Variants in ARHGEF12 observed in about 807,000 individuals in gnomAD.
The protein encoded by ARHGEF12 is KMT2A/ARHGEF12 fusion protein.
In ARHGEF12, 66 loss-of-function variants were observed where a neutral mutation model predicts 211.2. The ratio of observed to expected loss-of-function variants is 0.31; its 90% confidence interval spans 0.26 to 0.38. The LOEUF (loss-of-function observed/expected upper bound fraction) is 0.38. Among genes scored for constraint, ARHGEF12 ranks in the 10% least tolerant of loss-of-function variants. ARHGEF12 has a pLI of 1.00. For missense variants in ARHGEF12, 1,429 were observed against 1,869.5 expected (o/e 0.76, Z 4.34); for synonymous variants, 592 against 638.4 (o/e 0.93, Z 1.09).
intron 1 of ARHGEF12, among the ~76,000 whole-genome samples, chr11:120,370,033 A>G (rs1943547465): frequency 6.6e-6 from 1 of 152,164 alleles, no homozygotes; most frequent in Non-Finnish European, 1.5e-5. Context: ...CATTATGGAA[A>G]TTTTTGCAGA....
At chr11:120,450,273 C>G (rs1946165299) in intron 21 of ARHGEF12, 1 of 146,426 alleles carries the variant, frequency 6.8e-6, no homozygotes. Context: ...ACCTGGGAGG[C>G]TGAGGTAGTA....
At chr11:120,477,646 C>A in intron 36 of ARHGEF12, 120 bp downstream of exon 36, 1 of 879,012 alleles carries the variant, frequency 1.1e-6, no homozygotes, top group Non-Finnish European at 1.7e-6. Context: ...AGGCGTATCA[C>A]CTGAGGCCAG....
intron 39 of ARHGEF12, 139 bp downstream of exon 39, chr11:120,481,715 TG>T (rs1947242831): frequency 1.3e-6 from 1 of 795,252 alleles, no homozygotes; most frequent in African/African-American, 1.7e-5. Context: ...TGAATAGGCC[TG>T]GGTAAAAAGT....
chr11:120,430,954 G>A (rs1945507816), intron 10 of ARHGEF12, among the ~76,000 whole-genome samples: 1 of 151,950 alleles, frequency 6.6e-6, no homozygotes. Flanking sequence ...GTTATTACTA[G>A]GCAAATATAA....
chr11:120,481,869 C>T (rs1947251081), intron 39 of ARHGEF12, among the ~76,000 whole-genome samples: 1 of 151,612 alleles, frequency 6.6e-6, no homozygotes, highest in Non-Finnish European at 1.5e-5. Flanking sequence ...ACACCATTCT[C>T]CTGCCTCAGC....
intron 22 of ARHGEF12, among the ~76,000 whole-genome samples, chr11:120,456,671 T>TA (rs1360445825): frequency 6.6e-6 from 1 of 152,188 alleles, no homozygotes; most frequent in African/African-American, 2.4e-5. Flanking sequence ...TGCTATTTCT[T>TA]ACGTTAATTT....
intron 1 of ARHGEF12, 117 bp downstream of exon 1, chr11:120,337,392 T>A (rs1181218727): frequency 3.3e-5 from 52 of 1,562,748 alleles, no homozygotes; most frequent in Non-Finnish European, 4.3e-5. Flanking sequence ...GAAAGAGGGT[T>A]GTTTCGGAGC....
chr11:120,463,092 A>G (rs11601535), intron 27 of ARHGEF12: 67,377 of 152,082 alleles, frequency 0.44, 15,536 homozygotes, highest in African/African-American at 0.57. Context: ...ATTTAAGGTC[A>G]GCTAGGCCAA....
intron 1 of ARHGEF12, among the ~76,000 whole-genome samples, chr11:120,370,813 C>T (rs1158631579): frequency 6.6e-6 from 1 of 152,082 alleles, no homozygotes; most frequent in Non-Finnish European, 1.5e-5. Context: ...TTCCCATCCC[C>T]CATTCCAACC....
rs1942769884 is a variant in ARHGEF12 at position 120,347,161 on chromosome 11, TTCCTTCCTTCCTTCCTTC to T, written c.32+9887_32+9904del. ...CTTCCTTCCTTCCTTCCTTCCTTCC[TTCCTTCCTTCCTTCCTTC>T]CTTCCTTTCTTTCTTTCTTTCTTTC... On this transcript the variant is annotated intron_variant, in intron 1 of 40. Transcript: ENST00000397843. Among the ~76,000 whole-genome samples the T allele has an allele frequency of 3.2e-5, 2 of 63,466 alleles. 1 individual carries two copies. Among genetic ancestry groups the T allele is most frequent in the Non-Finnish European group, 5.8e-5 (2 of 34,702 alleles). The allele number at this position is 63,466 out of a possible 152,430, so 41.6% of individuals were successfully genotyped here.
chr11:120,357,317 A>G (rs1943157517), intron 1 of ARHGEF12, among the ~76,000 whole-genome samples: 1 of 152,080 alleles, frequency 6.6e-6, no homozygotes, highest in Admixed American at 6.5e-5. Flanking sequence ...ACTCTTAAAC[A>G]CTATCCTATA....
intron 1 of ARHGEF12, among the ~76,000 whole-genome samples, chr11:120,349,948 A>T (rs2135292635): frequency 6.6e-6 from 1 of 152,360 alleles, no homozygotes; most frequent in South Asian, 2.1e-4. Flanking sequence ...TTTAAGAGTT[A>T]TTTCAATTCA....
intron 26 of ARHGEF12, 89 bp from the exon 27 acceptor site, chr11:120,460,582 AT>A: frequency 2.9e-6 from 3 of 1,043,358 alleles, no homozygotes; most frequent in Non-Finnish European, 2.8e-6. Flanking sequence ...AATCGTCTTT[AT>A]AAAAAAAAAA....
chr11:120,460,977 G>A (rs1330199697), intron 27 of ARHGEF12, among the ~76,000 whole-genome samples: 1 of 152,186 alleles, frequency 6.6e-6, no homozygotes, highest in African/African-American at 2.4e-5. Flanking sequence ...CCATGAGATT[G>A]CAGTGATTCA....
chr11:120,469,378 A>G lies in ARHGEF12; in HGVS notation c.2945A>G (p.Glu982Gly). 3 of 1,611,862 alleles carry G rather than the reference A, an allele frequency of 1.9e-6. No homozygotes were observed. Among genetic ancestry groups the G allele is most frequent in the Non-Finnish European group, 2.5e-6 (3 of 1,178,836 alleles). The change falls in exon 30 of 41, where the codon GAA becomes GGA. Residue 982 changes from glutamate to glycine, a missense_variant. Glu to Gly is a moderately conservative substitution (Grantham distance 98). This residue lies in a region of ARHGEF12 where 223 missense variants were observed against 444.6 expected (regional missense o/e 0.50). Transcript: ENST00000397843. ...GTAAATCAGGCTGTCAAGGAGGCAG[A>G]AAACAAGCAGGTAAAAAAGGAAAAC... ...NYVNQAVKEA[E>G]NKQRLEDYQR...
At chr11:120,412,944 C>A (rs917114610) in intron 4 of ARHGEF12, among the ~76,000 whole-genome samples, 17 of 152,292 alleles carry the variant, frequency 1.1e-4, no homozygotes, top group African/African-American at 3.9e-4. Flanking sequence ...AACCCCACTG[C>A]CTTGTCCATC....
At chr11:120,377,373 G>C (rs1385247663) in intron 1 of ARHGEF12, among the ~76,000 whole-genome samples, 1 of 151,206 alleles carries the variant, frequency 6.6e-6, no homozygotes, top group African/African-American at 2.4e-5. Flanking sequence ...GACAGTCTCT[G>C]TTTCCCAGGC....
At chr11:120,419,275 A>G (rs771456581) in intron 4 of ARHGEF12, among the ~76,000 whole-genome samples, 4 of 152,016 alleles carry the variant, frequency 2.6e-5, no homozygotes, top group Non-Finnish European at 5.9e-5. Flanking sequence ...CAGTGTCTTT[A>G]GAATAGCAAA....
intron 28 of ARHGEF12, among the ~76,000 whole-genome samples, chr11:120,466,376 G>T (rs1007398162): frequency 6.6e-6 from 1 of 152,202 alleles, no homozygotes; most frequent in South Asian, 2.1e-4. Flanking sequence ...CAGTTTAGAG[G>T]TGGATGTTTG....
Sources: allele counts gnomAD v4.1 joint callset (sites outside exome capture counted in the v4.1 genomes callset), GRCh38; gene constraint gnomAD v4.1.1; regional missense constraint gnomAD v4.1.1; transcripts MANE v1.5; gene names NCBI Gene and HGNC (gene_info 2026-07-23, HGNC 2026-07-21).